The following FKBP4 variants were observed in gnomAD, a reference collection of about 807,000 sequenced individuals.
FKBP4 encodes the protein FKBP prolyl isomerase 4.
A neutral mutation model predicts 54.1 loss-of-function variants in FKBP4; 28 were observed. The observed-to-expected ratio is 0.52, with a 90% confidence interval of 0.38 to 0.71. The LOEUF (loss-of-function observed/expected upper bound fraction) is 0.71, where lower values mean the gene tolerates loss of function less well. Ranked by LOEUF, FKBP4 falls within the 30% of genes least tolerant of loss-of-function variation. The pLI is 0.00. For missense variants in FKBP4, 493 were observed against 574.4 expected, an observed-to-expected ratio of 0.86 and a Z score of 1.45; for synonymous variants, 223 against 216.1, an observed-to-expected ratio of 1.03 and a Z score of -0.28.
At chr12:2,796,155 C>T in intron 1 of FKBP4, 12 of 1,266,696 alleles carry the variant, frequency 9.5e-6, no homozygotes, top group Non-Finnish European at 1.1e-5. Flanking sequence ...GCCTTCTCCC[C>T]ATCCGCTGCT....
Position 2,795,961 on chromosome 12 carries a change from CTGCGGGG to C in FKBP4, c.105+720_105+726del. 9.5e-7 allele frequency: 1 copy of C among 1,055,930 alleles called. No homozygotes were observed. The highest frequency in any genetic ancestry group is 1.1e-6 in the Non-Finnish European group (1 of 870,012). 65.4% of individuals were successfully genotyped at this position (1,055,930 alleles called of 1,614,324 possible). ...CCTCCGCCGCCTCCCGGAGCCAGGGCTGCGGGGTGTGGGGCGGGGAGGAGGCGCTCTG... is the reference window on the plus strand; with the variant it reads ...CCTCCGCCGCCTCCCGGAGCCAGGGCTGTGGGGCGGGGAGGAGGCGCTCTG... On this transcript the variant is annotated intron_variant, in intron 1 of 9. Transcript: ENST00000001008. This position sits in a 1 kb window ranked among gnomAD's most constrained non-coding sequence, Gnocchi z 4.3.
At chr12:2,802,974 C>G (rs1263566179) in intron 9 of FKBP4, among the ~76,000 whole-genome samples, 177 bp from the exon 10 acceptor site, 2 of 152,166 alleles carry the variant, frequency 1.3e-5, no homozygotes, top group Non-Finnish European at 2.9e-5. Flanking sequence ...GCAATCTGAC[C>G]ACCTCAGCCT....
In FKBP4 at chr12:2,799,219, C is replaced by G; in HGVS notation, c.646C>G (p.His216Asp). 6.5e-7 allele frequency: 1 copy of G among 1,545,022 alleles called. No individual in the cohort carries two copies. Among genetic ancestry groups the G allele is most frequent in the Non-Finnish European group, 8.7e-7 (1 of 1,147,448 alleles). Residue 216 changes from histidine (H) to aspartate (D), a missense_variant, in exon 5 of 10, where the codon CAT (histidine) becomes GAT (aspartate). Coordinates refer to ENST00000001008, the MANE Select transcript of FKBP4 (RefSeq NM_002014.4). ...RAIQRMEKGE[H>D]SIVYLKPSYA... ...CATTCAGCGCATGGAGAAAGGAGAACATTCCATCGTGTACCTCAAGCCCAG... is the reference window on the plus strand; with the variant it reads ...CATTCAGCGCATGGAGAAAGGAGAAGATTCCATCGTGTACCTCAAGCCCAG...
rs1454379170 is a variant in FKBP4 at position 2,804,261 on chromosome 12, T to C, written c.*1003T>C. 1.3e-5 allele frequency: 2 copies of C among 152,224 alleles called. No homozygotes were observed. Among genetic ancestry groups the C allele is most frequent in the African/African-American group, 4.8e-5 (2 of 41,448 alleles). 9.4% of individuals were successfully genotyped at this position (152,224 alleles called of 1,614,324 possible). On this transcript the variant is annotated 3_prime_UTR_variant, in exon 10 of 10. Coordinates refer to ENST00000001008, the MANE Select transcript of FKBP4 (RefSeq NM_002014.4). Reference sequence around the variant, plus strand: ...ACTTAGGAAGACGAAAGTATAAAGATCTAGAAGACTGGGACACCATGCATG... The same window carrying C: ...ACTTAGGAAGACGAAAGTATAAAGACCTAGAAGACTGGGACACCATGCATG...
Position 2,798,679 on chromosome 12 carries a change from G to A in FKBP4, c.394-27G>A, listed in dbSNP as rs1481575253. 6.2e-7 allele frequency: 1 copy of A among 1,612,630 alleles called. No homozygotes were observed. Among genetic ancestry groups the A allele is most frequent in the Non-Finnish European group, 8.5e-7 (1 of 1,179,850 alleles). On this transcript the variant is annotated intron_variant, in intron 3 of 9. Transcript: ENST00000001008. This position sits in a 1 kb window ranked among gnomAD's most constrained non-coding sequence, Gnocchi z 4.3. ...CACTGCCCATGAGTTAGCATGGGAA[G>A]GAATTGTGTCACATCTTGTCCCACA...
rs750970764 is a variant in FKBP4, at chr12:2,800,518, C to G, written c.973C>G (p.Leu325Val). The G allele has an allele frequency of 2.5e-6, 4 of 1,614,150 alleles. No homozygotes were observed. Among genetic ancestry groups the G allele is most frequent in the Admixed American group, 3.3e-5 (2 of 59,992 alleles). The change falls in exon 8 of 10, where the codon CTG becomes GTG. Residue 325 changes from leucine to valine, a missense_variant. Coordinates refer to ENST00000001008, the MANE Select transcript of FKBP4 (RefSeq NM_002014.4). Reference protein sequence around the residue: ...QALRLASHLNLAMCHLKLQAF... With the variant: ...QALRLASHLNVAMCHLKLQAF... ...CCTTCGACTGGCCTCTCACCTCAAC[C>G]TGGCCATGTGTCATCTGAAACTACA...
At chr12:2,800,261 T>C in intron 7 of FKBP4, 131 bp from the exon 8 acceptor site, 1 of 1,342,928 alleles carries the variant, frequency 7.4e-7, no homozygotes, top group Non-Finnish European at 1.0e-6. Flanking sequence ...ATATGTGAGC[T>C]TGCTGGCCTT....
chr12:2,801,581 T>C, intron 9 of FKBP4: 1 of 650,142 alleles, frequency 1.5e-6, no homozygotes, highest in Non-Finnish European at 2.8e-6. Context: ...GCCCTGAGTG[T>C]AATTCCCGAT....
At chr12:2,796,339 C>A (rs1430192281) in intron 1 of FKBP4, 1 of 1,289,134 alleles carries the variant, frequency 7.8e-7, no homozygotes, top group Non-Finnish European at 1.0e-6. Context: ...CTCCAGCGTC[C>A]TGCCGTTTTC....
At position 2,798,625 on chromosome 12, in the gene FKBP4, G is replaced by A. The variant is rs542478299; in HGVS notation, c.394-81G>A. On this transcript the variant is annotated intron_variant, in intron 3 of 9. Transcript: ENST00000001008. This position sits in a 1 kb window ranked among gnomAD's most constrained non-coding sequence, Gnocchi z 4.3. ...CAGATCCGGCCTGGCAGTTAGTAGG[G>A]ACTCTCTCGGATGAGAAAGATTGTG... is the stretch of plus-strand genomic sequence containing the variant. 6 of 1,600,992 alleles carry A rather than the reference G, an allele frequency of 3.7e-6. No individual in the cohort carries two copies. The African/African-American group carries it at 6.7e-5, about 18-fold the overall frequency.
intron 1 of FKBP4, chr12:2,796,281 A>G: frequency 7.8e-7 from 1 of 1,289,152 alleles, no homozygotes; most frequent in Non-Finnish European, 1.0e-6. Flanking sequence ...GGGGACCTCA[A>G]GCGTCTGCTC....
chr12:2,797,836 C>T lies in FKBP4; in HGVS notation c.358C>T (p.Pro120Ser). The T allele has an allele frequency of 6.2e-7, 1 of 1,614,106 alleles. No individual in the cohort carries two copies. Among genetic ancestry groups the T allele is most frequent in the Non-Finnish European group, 8.5e-7 (1 of 1,179,992 alleles). The change falls in exon 3 of 10, where the codon CCA becomes TCA. Residue 120 changes from proline (P) to serine (S), a missense_variant. By Grantham distance (74) the Pro-to-Ser change is moderately conservative (BLOSUM62 -1). Transcript: ENST00000001008. ...EYAYGSAGSP[P>S]KIPPNATLVF... is the part of the protein sequence containing the mutation. Reference sequence around the variant, plus strand: ...TGCCTACGGTTCAGCAGGCAGTCCTCCAAAGATTCCCCCCAATGCCACGCT... The same window carrying T: ...TGCCTACGGTTCAGCAGGCAGTCCTTCAAAGATTCCCCCCAATGCCACGCT...
rs1339666024 is a variant in FKBP4, at chr12:2,798,669, A to G, written c.394-37A>G. 6.8e-6 allele frequency: 11 copies of G among 1,612,190 alleles called. No individual in the cohort carries two copies. Among genetic ancestry groups the G allele is most frequent in the Middle Eastern group, 2.1e-4 (1 of 4,808 alleles). ...GATTGTGTTTCACTGCCCATGAGTT[A>G]GCATGGGAAGGAATTGTGTCACATC... On this transcript the variant is annotated intron_variant, in intron 3 of 9. Coordinates refer to ENST00000001008, the MANE Select transcript of FKBP4 (RefSeq NM_002014.4). This position sits in a 1 kb window ranked among gnomAD's most constrained non-coding sequence, Gnocchi z 4.3.
At position 2,797,887 on chromosome 12, in the gene FKBP4, C is replaced by T; in HGVS notation, c.393+16C>T. On this transcript the variant is annotated intron_variant, in intron 3 of 9. Transcript: ENST00000001008. ...TGTATTTGAGGTGAGTGTTTGGTCACTGAGATCCAGGCTAAGAGCCAGGCC... is the reference window on the plus strand; with the variant it reads ...TGTATTTGAGGTGAGTGTTTGGTCATTGAGATCCAGGCTAAGAGCCAGGCC... 6.2e-7 allele frequency: 1 copy of T among 1,608,910 alleles called. No homozygotes were observed. The highest frequency in any genetic ancestry group is 8.5e-7 in the Non-Finnish European group (1 of 1,176,392).
chr12:2,799,294 A>G, intron 5 of FKBP4, 50 bp downstream of exon 5: 1 of 1,460,286 alleles, frequency 6.8e-7, no homozygotes, highest in Non-Finnish European at 9.1e-7. Flanking sequence ...ACCAAGATCA[A>G]AGATATAAAA....
chr12:2,799,350 A>G (rs1259148892), intron 5 of FKBP4, 106 bp downstream of exon 5: 2 of 1,164,608 alleles, frequency 1.7e-6, no homozygotes, highest in Non-Finnish European at 2.3e-6. Flanking sequence ...CTCTGGCCAC[A>G]CCAAACATAC....
intron 9 of FKBP4, among the ~76,000 whole-genome samples, chr12:2,802,368 T>C (rs183527732): frequency 2.2e-4 from 33 of 152,198 alleles, no homozygotes; most frequent in Admixed American, 7.9e-4. Context: ...CTCCTGACTT[T>C]AGTGATCTGC....
At position 2,795,992 on chromosome 12, in the gene FKBP4, T is replaced by C; in HGVS notation, c.105+748T>C. On this transcript the variant is annotated intron_variant, in intron 1 of 9. Coordinates refer to ENST00000001008, the MANE Select transcript of FKBP4 (RefSeq NM_002014.4). The surrounding 1 kb of genome is among the most constrained non-coding windows in gnomAD (Gnocchi z 4.3). Reference sequence around the variant, plus strand: ...GGTGTGGGGCGGGGAGGAGGCGCTCTGCTGTGGAGCCTGCCGCCGAGTGAC... The same window carrying C: ...GGTGTGGGGCGGGGAGGAGGCGCTCCGCTGTGGAGCCTGCCGCCGAGTGAC... The C allele has an allele frequency of 9.0e-7, 1 of 1,107,040 alleles. No homozygotes were observed. The allele number at this position is 1,107,040 out of a possible 1,614,324, so 68.6% of individuals were successfully genotyped here.
At chr12:2,801,450 C>T in intron 9 of FKBP4, 94 bp downstream of exon 9, 1 of 1,563,952 alleles carries the variant, frequency 6.4e-7, no homozygotes, top group East Asian at 2.3e-5. Flanking sequence ...TGTGCCAATC[C>T]CGGAAACCAG....
Sources: gnomAD v4.1 joint callset for allele counts (sites outside exome capture counted in the v4.1 genomes callset) on GRCh38, gnomAD v4.1.1 for gene constraint, Gnocchi (gnomAD v3.1) non-coding constraint, MANE v1.5 for transcripts, NCBI Gene and HGNC (gene_info 2026-07-23, HGNC 2026-07-21) for gene names.